Variants in CTNNA2 observed in about 807,000 individuals in gnomAD.
CTNNA2 encodes the protein catenin alpha-2.
CTNNA2 carries 42 observed loss-of-function variants against 101.0 expected under a neutral mutation model. The ratio of observed to expected loss-of-function variants is 0.42; its 90% CI spans 0.32 to 0.54. The LOEUF is 0.54. CTNNA2 is among the 20% of genes least tolerant of loss of function. CTNNA2 has a pLI of 0.14. For synonymous variants in CTNNA2, 450 were observed against 456.4 expected (o/e 0.99, Z 0.18); for missense variants, 871 against 1,223.1 (o/e 0.71, Z 4.29).
rs189407668 is a variant in CTNNA2 at position 79,453,145 on chromosome 2, C to T, written c.-134-51909C>T. ...TCTGTCTTGGATATCAGCTATGTTTCAGGAATAGCTGCACCCAAGAAAATG... is the reference window on the plus strand; with the variant it reads ...TCTGTCTTGGATATCAGCTATGTTTTAGGAATAGCTGCACCCAAGAAAATG... On this transcript the variant is annotated intron_variant, in intron 4 of 21. Coordinates refer to the CTNNA2 transcript ENST00000466387. 3.9e-5 allele frequency among the ~76,000 whole-genome samples: 6 copies of T among 152,196 alleles called. No homozygotes were observed. In the East Asian group the frequency reaches 9.7e-4, roughly 25 times the overall value.
At chr2:79,204,962 A>G (rs79709585) in intron 2 of CTNNA2, among the ~76,000 whole-genome samples, 1 of 152,354 alleles carries the variant, frequency 6.6e-6, no homozygotes, top group Non-Finnish European at 1.5e-5. Context: ...CCAACACATC[A>G]ATTTTGGAGT....
At chr2:79,898,412 GATGTGAGCCACT>G in intron 6 of CTNNA2, among the ~76,000 whole-genome samples, 1 of 152,208 alleles carries the variant, frequency 6.6e-6, no homozygotes, top group African/African-American at 2.4e-5. Flanking sequence ...TGGGATTACA[GATGTGAGCCACT>G]GTGCCCGGCC....
intron 7 of CTNNA2, among the ~76,000 whole-genome samples, chr2:79,912,233 A>G (rs944268707): frequency 1.3e-5 from 2 of 152,212 alleles, no homozygotes; most frequent in Non-Finnish European, 2.9e-5. Flanking sequence ...CATTCCACTT[A>G]CACAATGCTT....
chr2:80,140,568 C>T (rs749547948), intron 7 of CTNNA2, among the ~76,000 whole-genome samples: 1 of 152,108 alleles, frequency 6.6e-6, no homozygotes, highest in Non-Finnish European at 1.5e-5. Context: ...ATGCTCCAAC[C>T]CCACCAGGAG....
chr2:80,430,293 C>T (rs1349747081), intron 9 of CTNNA2, among the ~76,000 whole-genome samples: 8 of 152,186 alleles, frequency 5.3e-5, no homozygotes, highest in African/African-American at 1.9e-4. Context: ...CAACACTTAG[C>T]TTGTTCCCTA....
rs113412111 is a variant in CTNNA2 at position 80,411,920 on chromosome 2, A to C, written c.1138-7529A>C. 1.9e-3 allele frequency among the ~76,000 whole-genome samples: 296 copies of C among 152,240 alleles called. 2 individuals are homozygous for C. Among genetic ancestry groups the C allele is most frequent in the African/African-American group, 6.9e-3 (287 of 41,538 alleles). On this transcript the variant is annotated intron_variant, in intron 8 of 18. Transcript: ENST00000402739. Reference sequence around the variant, plus strand: ...CTATTATGAAATATTAATATTCCCCAATGCTTTTCTGCTCTTGCCACCTCT... The same window carrying C: ...CTATTATGAAATATTAATATTCCCCCATGCTTTTCTGCTCTTGCCACCTCT...
intron 4 of CTNNA2, among the ~76,000 whole-genome samples, chr2:79,460,818 G>GC (rs1159715740): frequency 6.9e-6 from 1 of 145,396 alleles, no homozygotes; most frequent in Non-Finnish European, 1.5e-5. Context: ...GCCCTTCTTT[G>GC]CCCCATGGCC....
chr2:79,989,361 G>A (rs1274803480), intron 7 of CTNNA2, among the ~76,000 whole-genome samples: 4 of 152,104 alleles, frequency 2.6e-5, no homozygotes, highest in Non-Finnish European at 4.4e-5. Context: ...AGTGGCTCAC[G>A]CCTGTAATCC....
chr2:80,486,513 A>T (rs1686597138), intron 9 of CTNNA2, among the ~76,000 whole-genome samples: 1 of 152,216 alleles, frequency 6.6e-6, no homozygotes, highest in Admixed American at 6.5e-5. Flanking sequence ...AAAAAAATAA[A>T]TAAAATGAGA....
intron 7 of CTNNA2, among the ~76,000 whole-genome samples, chr2:79,992,669 T>G (rs188538889): frequency 2.0e-5 from 3 of 152,360 alleles, no homozygotes; most frequent in Admixed American, 2.0e-4. Flanking sequence ...GTCGAAATTT[T>G]GCTTTATTTG....
rs564265828 is a variant in CTNNA2, at chr2:80,443,077, G to A, written c.1290+23476G>A. On this transcript the variant is annotated intron_variant, in intron 9 of 18. Transcript: ENST00000402739. Reference sequence around the variant, plus strand: ...GGAAAGATGAATTTGTAGGCCTGAGGTATTAACAACCAAACTGAATAAAGG... The same window carrying A: ...GGAAAGATGAATTTGTAGGCCTGAGATATTAACAACCAAACTGAATAAAGG... 2.6e-5 allele frequency among the ~76,000 whole-genome samples: 4 copies of A among 152,252 alleles called. No individual in the cohort carries two copies. The South Asian group carries it at 8.3e-4, about 32-fold the overall frequency.
At chr2:80,280,514 A>G (rs541878216) in intron 7 of CTNNA2, among the ~76,000 whole-genome samples, 1 of 151,888 alleles carries the variant, frequency 6.6e-6, no homozygotes, top group South Asian at 2.1e-4. Context: ...TGGGATGGCT[A>G]ACCTTGGACC....
intron 9 of CTNNA2, among the ~76,000 whole-genome samples, chr2:80,519,844 C>G (rs1294076139): frequency 6.6e-6 from 1 of 152,172 alleles, no homozygotes; most frequent in Non-Finnish European, 1.5e-5. Flanking sequence ...TCATCAGATG[C>G]AGACCCATAA....
chr2:79,645,049 C>G (rs1160747982), intron 1 of CTNNA2, among the ~76,000 whole-genome samples: 1 of 151,876 alleles, frequency 6.6e-6, no homozygotes, highest in Non-Finnish European at 1.5e-5. Flanking sequence ...ATGGCATGAT[C>G]TCGGCTCACT....
chr2:79,607,733 C>G (rs886654242), intron 1 of CTNNA2, among the ~76,000 whole-genome samples: 22 of 152,028 alleles, frequency 1.4e-4, no homozygotes, highest in African/African-American at 4.6e-4. Context: ...AAAATTAAAA[C>G]ACAAGATATG....
intron 7 of CTNNA2, among the ~76,000 whole-genome samples, chr2:79,911,294 A>T (rs1248641336): frequency 6.6e-6 from 1 of 152,212 alleles, no homozygotes; most frequent in Non-Finnish European, 1.5e-5. Context: ...ATGGATGTGG[A>T]ATTTGGTTTT....
At chr2:79,685,126 A>G (rs1165071862) in intron 2 of CTNNA2, among the ~76,000 whole-genome samples, 1 of 152,204 alleles carries the variant, frequency 6.6e-6, no homozygotes, top group Non-Finnish European at 1.5e-5. Flanking sequence ...AAAATTGCTA[A>G]TTTATTTATT....
intron 18 of CTNNA2, among the ~76,000 whole-genome samples, chr2:80,628,269 A>G (rs1343872128): frequency 2.6e-5 from 4 of 152,072 alleles, no homozygotes; most frequent in African/African-American, 9.7e-5. Flanking sequence ...AAAACACTTT[A>G]AATTTCATGT....
intron 7 of CTNNA2, among the ~76,000 whole-genome samples, chr2:79,944,017 G>C (rs1688328188): frequency 6.6e-6 from 1 of 152,098 alleles, no homozygotes; most frequent in Non-Finnish European, 1.5e-5. Context: ...TTCTTCCCTT[G>C]TGTCTGTTTC....
Sources: allele counts gnomAD v4.1 joint callset (sites outside exome capture counted in the v4.1 genomes callset), GRCh38; gene constraint gnomAD v4.1.1; transcripts MANE v1.5; gene names NCBI Gene and HGNC (gene_info 2026-07-23, HGNC 2026-07-21).